TMIGD2: variants seen among roughly 807,000 people sequenced by gnomAD.
TMIGD2 encodes transmembrane and immunoglobulin domain-containing protein 2.
In TMIGD2, 18 loss-of-function variants were observed where a neutral mutation model predicts 22.6. The observed-to-expected ratio is 0.80, with a 90% confidence interval of 0.55 to 1.18. TMIGD2 has a LOEUF of 1.18. Ranked by LOEUF, TMIGD2 falls within the 50% of genes most tolerant of loss-of-function variation. The pLI, the probability that TMIGD2 is intolerant of heterozygous loss-of-function variation, is 0.00. For synonymous variants in TMIGD2, 184 were observed against 154.1 expected (o/e 1.19, Z -1.44); for missense variants, 361 against 378.2 (o/e 0.95, Z 0.38).
intron 4 of TMIGD2, among the ~76,000 whole-genome samples, chr19:4,293,506 C>A (rs983286825): frequency 6.6e-6 from 1 of 151,602 alleles, no homozygotes; most frequent in Non-Finnish European, 1.5e-5. Context: ...GTGATTCGCC[C>A]GCCGTGGCCT....
chr19:4,296,977 T>A (rs1189620708), intron 2 of TMIGD2, among the ~76,000 whole-genome samples: 1 of 152,084 alleles, frequency 6.6e-6, no homozygotes, highest in Non-Finnish European at 1.5e-5. Context: ...GTCTTGGCCC[T>A]CTCTGGTTCA....
intron 1 of TMIGD2, among the ~76,000 whole-genome samples, chr19:4,301,584 C>T (rs1202151094): frequency 6.6e-6 from 1 of 152,220 alleles, no homozygotes; most frequent in Non-Finnish European, 1.5e-5. Flanking sequence ...GCAGGAGAAT[C>T]TCTTGAACCT....
At chr19:4,299,241 C>A (rs929492718) in intron 1 of TMIGD2, among the ~76,000 whole-genome samples, 2 of 151,732 alleles carry the variant, frequency 1.3e-5, no homozygotes, top group Non-Finnish European at 2.9e-5. Context: ...AACTCCTGGG[C>A]TAAAGTAATC....
exon 5 of TMIGD2, chr19:4,292,610 C>T (rs947660484): frequency 6.8e-6 from 11 of 1,613,026 alleles, no homozygotes; most frequent in Non-Finnish European, 9.3e-6. Flanking sequence ...CACTCCTCTC[C>T]CACTTTGGGG....
exon 5 of TMIGD2, chr19:4,292,660 G>A: frequency 6.2e-7 from 1 of 1,609,912 alleles, no homozygotes; most frequent in Non-Finnish European, 8.5e-7. Context: ...GCTTGGTCTA[G>A]GAGAGACCCT....
Position 4,292,853 on chromosome 19 carries a change from GC to G in TMIGD2, c.594del (p.Arg200GlyfsTer96). 3 of 1,613,918 alleles carry G rather than the reference GC, an allele frequency of 1.9e-6. No homozygotes were observed. The highest frequency in any genetic ancestry group is 2.5e-6 in the Non-Finnish European group (3 of 1,179,948). On this transcript the variant is annotated frameshift_variant, in exon 5 of 5. Coordinates refer to ENST00000301272, the Ensembl canonical transcript of TMIGD2. LOFTEE classifies it low-confidence loss of function (END_TRUNC). ...TCACTCTTCTTTGGGGCCCCCCGGG[GC>G]CGGTATAGGACGTTGCTGTAGAATG... is the stretch of plus-strand genomic sequence containing the variant.
chr19:4,302,013 C>G (rs887612640), intron 1 of TMIGD2, among the ~76,000 whole-genome samples: 7 of 152,098 alleles, frequency 4.6e-5, no homozygotes, highest in Admixed American at 3.9e-4. Flanking sequence ...GCTCGAAGGC[C>G]AGATCCAGCC....
At chr19:4,294,190 C>A (rs1336204094) in intron 4 of TMIGD2, among the ~76,000 whole-genome samples, 1 of 152,104 alleles carries the variant, frequency 6.6e-6, no homozygotes, top group Non-Finnish European at 1.5e-5. Context: ...GCCTCAGCCT[C>A]CCAAGTAGCT....
intron 4 of TMIGD2, among the ~76,000 whole-genome samples, chr19:4,293,109 T>G (rs145528884): frequency 2.2e-4 from 33 of 151,186 alleles, no homozygotes; most frequent in East Asian, 7.9e-4. Context: ...GACTACAGGC[T>G]CCCGCCACCA....
intron 2 of TMIGD2, 114 bp from the exon 3 acceptor site, chr19:4,294,930 G>A: frequency 8.9e-7 from 1 of 1,118,170 alleles, no homozygotes; most frequent in Non-Finnish European, 1.2e-6. Flanking sequence ...GTGGATTTGG[G>A]CAAGTGTTCA....
In TMIGD2 at chr19:4,296,874, C is replaced by T. The variant is rs568634106; in HGVS notation, c.406+1112G>A. Among the ~76,000 whole-genome samples the T allele has an allele frequency of 8.2e-4, 125 of 152,302 alleles. No individual in the cohort carries two copies. In the Middle Eastern group the frequency reaches 0.01, roughly 12 times the overall value. On this transcript the variant is annotated intron_variant, in intron 2 of 4. Transcript: ENST00000301272. ...CAAAGCCTGCATCCCCTTGGGTTTC[C>T]CGATTCTGCCCAGGATGGGTCCATA...
In TMIGD2 at chr19:4,299,810, C is replaced by T. The variant is rs182375793; in HGVS notation, c.47-1465G>A. The stretch of plus-strand genomic sequence containing the variant: ...CTGAGGCAGGAGAATCACTTGAATC[C>T]GAGAGGCAGAGGTTGCAGTGAGCTG... On this transcript the variant is annotated intron_variant, in intron 1 of 4. Transcript: ENST00000301272. Among the ~76,000 whole-genome samples, 401 of 150,710 alleles carry T rather than the reference C, an allele frequency of 2.7e-3. 1 individual carries two copies. Among genetic ancestry groups the T allele is most frequent in the African/African-American group, 9.4e-3 (385 of 40,996 alleles).
chr19:4,292,735 GA>G lies in TMIGD2; in HGVS notation c.712del (p.Ser238GlnfsTer58). The stretch of plus-strand genomic sequence containing the variant: ...GGGTCTCGGGCTGGGGCAGGGTCTT[GA>G]CGCCAGGTGCGGCTGGCGGGGGGCC... On this transcript the variant is annotated frameshift_variant, in exon 5 of 5. Coordinates refer to ENST00000301272, the Ensembl canonical transcript of TMIGD2. LOFTEE classifies it low-confidence loss of function (END_TRUNC). 6.2e-7 allele frequency: 1 copy of G among 1,610,178 alleles called. No individual in the cohort carries two copies. Among genetic ancestry groups the G allele is most frequent in the Non-Finnish European group, 8.5e-7 (1 of 1,178,848 alleles).
intron 1 of TMIGD2, 71 bp downstream of exon 1, chr19:4,302,269 A>G: frequency 6.7e-7 from 1 of 1,501,788 alleles, no homozygotes; most frequent in African/African-American, 1.4e-5. Flanking sequence ...AGGGGCCCTG[A>G]GCTGGGGGGC....
Position 4,298,066 on chromosome 19 carries a change from GC to G in TMIGD2, c.325del (p.Ala109ArgfsTer8), listed in dbSNP as rs1164848065. On this transcript the variant is annotated frameshift_variant, in exon 2 of 5. Coordinates refer to ENST00000301272, the Ensembl canonical transcript of TMIGD2. LOFTEE classifies it high-confidence loss of function. ...CTCTACGGCCGCCCAGCACACGTAC[GC>G]CCCGCTGTGGTTGAGGCTCACAGGG... is the stretch of plus-strand genomic sequence containing the variant. 2 of 1,613,510 alleles carry G rather than the reference GC, an allele frequency of 1.2e-6. No homozygotes were observed. The highest frequency in any genetic ancestry group is 1.7e-6 in the Non-Finnish European group (2 of 1,179,978).
chr19:4,295,428 T>C (rs1160353828), intron 2 of TMIGD2, among the ~76,000 whole-genome samples: 13 of 146,544 alleles, frequency 8.9e-5, no homozygotes, highest in Non-Finnish European at 4.5e-5. Flanking sequence ...GCCATGGTGG[T>C]GGGCACCTGT....
chr19:4,292,913 A>G (rs548559574), intron 4 of TMIGD2, 28 bp from the exon 5 acceptor site: 1 of 1,611,482 alleles, frequency 6.2e-7, no homozygotes, highest in East Asian at 2.2e-5. Flanking sequence ...GACCAAGAGG[A>G]TCACTTAAGA....
intron 1 of TMIGD2, among the ~76,000 whole-genome samples, chr19:4,300,329 C>T (rs897336002): frequency 3.4e-4 from 51 of 151,078 alleles, no homozygotes; most frequent in Non-Finnish European, 6.3e-4. Context: ...GAGGCAGAGG[C>T]GGGCGGATCA....
chr19:4,297,074 C>CTTTTT lies in TMIGD2; in HGVS notation c.406+907_406+911dup, dbSNP rs71166981. Among the ~76,000 whole-genome samples, 15 of 105,244 alleles carry CTTTTT rather than the reference C, an allele frequency of 1.4e-4. 1 individual carries two copies. The highest frequency in any genetic ancestry group is 2.6e-4 in the Non-Finnish European group (14 of 54,814). 69.0% of individuals were successfully genotyped at this position (105,244 alleles called of 152,430 possible). On this transcript the variant is annotated intron_variant, in intron 2 of 4. Transcript: ENST00000301272. ...TTCTTCCAACTTTGAGAGTCTGTGG[C>CTTTTT]TTTTTTTTTTTTTTTTTTTTGAGAC... is the stretch of plus-strand genomic sequence containing the variant.
Sources: allele counts gnomAD v4.1 joint callset (sites outside exome capture counted in the v4.1 genomes callset), GRCh38; gene constraint gnomAD v4.1.1; transcripts MANE v1.5; gene names NCBI Gene and HGNC (gene_info 2026-07-23, HGNC 2026-07-21).